FAM135B: variants seen among roughly 807,000 people sequenced by gnomAD.
FAM135B encodes the protein protein FAM135B.
FAM135B carries 43 observed loss-of-function variants against 127.7 expected under a neutral mutation model. The observed-to-expected ratio is 0.34, with a 90% CI of 0.26 to 0.43. The LOEUF is 0.43. Among genes scored for constraint, FAM135B ranks in the 20% least tolerant of loss-of-function variants. The pLI is 1.00. For missense variants in FAM135B, 1,558 were observed against 1,725.6 expected, an observed-to-expected ratio of 0.90 and a Z score of 1.72; for synonymous variants, 670 against 665.1, an observed-to-expected ratio of 1.01 and a Z score of -0.11.
intron 12 of FAM135B, among the ~76,000 whole-genome samples, chr8:138,156,543 C>T (rs1270164046): frequency 6.6e-6 from 1 of 151,956 alleles, no homozygotes; most frequent in Non-Finnish European, 1.5e-5. Context: ...AATTGATAGA[C>T]CTCTAGGAAG....
intron 1 of FAM135B, among the ~76,000 whole-genome samples, chr8:138,471,878 T>C (rs1248735266): frequency 6.6e-6 from 1 of 151,576 alleles, no homozygotes; most frequent in East Asian, 1.9e-4. Flanking sequence ...TAGGAGGAAA[T>C]TGAGGAAAGA....
chr8:138,475,140 G>A (rs373049139), intron 1 of FAM135B, among the ~76,000 whole-genome samples: 45 of 152,282 alleles, frequency 3.0e-4, no homozygotes, highest in African/African-American at 8.7e-4. Flanking sequence ...CAGGGAGACA[G>A]AAATAGCTGG....
At chr8:138,137,665 A>G (rs1816778015) in intron 18 of FAM135B, among the ~76,000 whole-genome samples, 1 of 152,130 alleles carries the variant, frequency 6.6e-6, no homozygotes, top group South Asian at 2.1e-4. Flanking sequence ...CAGTCTGACT[A>G]TCTTGTTCTT....
chr8:138,175,114 C>T (rs1198440817), intron 11 of FAM135B, among the ~76,000 whole-genome samples: 2 of 152,156 alleles, frequency 1.3e-5, no homozygotes, highest in Non-Finnish European at 2.9e-5. Context: ...GATTTCAAAT[C>T]GTGTATATAA....
At chr8:138,381,841 C>G (rs146074004) in intron 1 of FAM135B, among the ~76,000 whole-genome samples, 3 of 152,224 alleles carry the variant, frequency 2.0e-5, no homozygotes, top group Non-Finnish European at 4.4e-5. Context: ...TTCATCGTGC[C>G]TGACAGAATC....
intron 3 of FAM135B, among the ~76,000 whole-genome samples, chr8:138,273,265 G>GCGTGAT (rs1272572190): frequency 6.6e-6 from 1 of 152,192 alleles, no homozygotes; most frequent in African/African-American, 2.4e-5. Flanking sequence ...GAGTGCAGTG[G>GCGTGAT]CGTGATCTTG....
chr8:138,282,259 G>T (rs1392509810), intron 3 of FAM135B, among the ~76,000 whole-genome samples: 1 of 152,130 alleles, frequency 6.6e-6, no homozygotes, highest in Non-Finnish European at 1.5e-5. Context: ...ATTTCCTTGG[G>T]TCTGGTAATG....
chr8:138,206,191 C>A (rs1226512104), intron 7 of FAM135B, among the ~76,000 whole-genome samples: 2 of 151,098 alleles, frequency 1.3e-5, no homozygotes, highest in Non-Finnish European at 2.9e-5. Context: ...TCCAGCATCC[C>A]CTTCACTACC....
chr8:138,426,054 T>A, intron 1 of FAM135B, among the ~76,000 whole-genome samples: 1 of 74,952 alleles, frequency 1.3e-5, no homozygotes, highest in South Asian at 3.3e-4. Context: ...CACACACATA[T>A]ATATATACAC....
intron 1 of FAM135B, among the ~76,000 whole-genome samples, chr8:138,446,433 C>T (rs1836164818): frequency 6.6e-6 from 1 of 152,152 alleles, no homozygotes; most frequent in Non-Finnish European, 1.5e-5. Flanking sequence ...ACCAAAACAG[C>T]ATGGTACTGG....
chr8:138,222,686 T>G (rs566699813), intron 7 of FAM135B, among the ~76,000 whole-genome samples: 4 of 150,194 alleles, frequency 2.7e-5, no homozygotes, highest in South Asian at 4.2e-4. Context: ...GTGTTTTTTT[T>G]TTTTTTTTTT....
chr8:138,390,397 G>A (rs183877143), intron 1 of FAM135B, among the ~76,000 whole-genome samples: 32 of 152,228 alleles, frequency 2.1e-4, no homozygotes, highest in Non-Finnish European at 3.8e-4. Flanking sequence ...TCTCTTGTCT[G>A]CCGTCATGTA....
At chr8:138,318,398 T>C (rs1250919392) in intron 2 of FAM135B, among the ~76,000 whole-genome samples, 3 of 152,198 alleles carry the variant, frequency 2.0e-5, no homozygotes, top group African/African-American at 7.2e-5. Flanking sequence ...CCCATCCCAC[T>C]GCACTTGAAG....
In FAM135B at chr8:138,300,571, T is replaced by C. The variant is rs183351758; in HGVS notation, c.157+10270A>G. 1.2e-4 allele frequency among the ~76,000 whole-genome samples: 19 copies of C among 152,256 alleles called. No homozygotes were observed. The East Asian group carries it at 3.7e-3, about 29-fold the overall frequency. ...ATTAAGACTACAGAATTTCTTCTTATAACTGTTAAGCCACCAAGAAGAAAA... is the reference window on the plus strand; with the variant it reads ...ATTAAGACTACAGAATTTCTTCTTACAACTGTTAAGCCACCAAGAAGAAAA... On this transcript the variant is annotated intron_variant, in intron 3 of 19. Transcript: ENST00000395297.
intron 1 of FAM135B, among the ~76,000 whole-genome samples, chr8:138,385,386 G>A (rs1230045006): frequency 1.3e-5 from 2 of 152,106 alleles, no homozygotes; most frequent in African/African-American, 4.8e-5. Flanking sequence ...TCTATCCCCA[G>A]GGGACAGCAC....
chr8:138,184,736 G>A (rs1387722288), intron 9 of FAM135B, among the ~76,000 whole-genome samples: 1 of 152,116 alleles, frequency 6.6e-6, no homozygotes, highest in Non-Finnish European at 1.5e-5. Flanking sequence ...CCTGCTGGAT[G>A]TCCACCTAAA....
intron 2 of FAM135B, among the ~76,000 whole-genome samples, chr8:138,326,308 G>C (rs960629534): frequency 6.6e-6 from 1 of 152,224 alleles, no homozygotes; most frequent in East Asian, 1.9e-4. Flanking sequence ...TCCTTCTAGA[G>C]AGCCAATATG....
intron 2 of FAM135B, among the ~76,000 whole-genome samples, 199 bp downstream of exon 2, chr8:138,367,708 C>A (rs1830838943): frequency 6.6e-6 from 1 of 151,976 alleles, no homozygotes; most frequent in Non-Finnish European, 1.5e-5. Context: ...ACTTTCTAGT[C>A]TCTGTCAATA....
intron 4 of FAM135B, among the ~76,000 whole-genome samples, chr8:138,265,472 CA>C (rs1822841683): frequency 6.6e-6 from 1 of 152,038 alleles, no homozygotes; most frequent in South Asian, 2.1e-4. Flanking sequence ...GTAAATGAGT[CA>C]ATGGAGACTG....
Sources: allele counts gnomAD v4.1 joint callset (sites outside exome capture counted in the v4.1 genomes callset), GRCh38; gene constraint gnomAD v4.1.1; transcripts MANE v1.5; gene names NCBI Gene and HGNC (gene_info 2026-07-23, HGNC 2026-07-21).